SLC7A14: variants seen among roughly 807,000 people sequenced by gnomAD.
SLC7A14 encodes solute carrier family 7 member 14, also known as gamma-aminobutyric acid transporter SLC7A14.
A neutral mutation model predicts 60.2 loss-of-function variants in SLC7A14; 37 were observed. That is an observed-to-expected ratio of 0.61 (90% CI 0.47 to 0.81). SLC7A14 has a LOEUF of 0.81. SLC7A14 is among the 30% of genes least tolerant of loss of function. The pLI is 0.00. For missense variants in SLC7A14, 886 were observed against 982.7 expected (o/e 0.90, Z 1.32); for synonymous variants, 399 against 395.8 (o/e 1.01, Z -0.10).
chr3:170,579,169 G>T (rs1027602554), intron 1 of SLC7A14, among the ~76,000 whole-genome samples: 1 of 152,140 alleles, frequency 6.6e-6, no homozygotes, highest in African/African-American at 2.4e-5. Context: ...ATGCAGAGTG[G>T]GTTCTATAAT....
chr3:170,503,256 G>A (rs1304973612), intron 2 of SLC7A14, among the ~76,000 whole-genome samples: 3 of 152,178 alleles, frequency 2.0e-5, no homozygotes, highest in African/African-American at 7.2e-5. Context: ...CTTACCTGGA[G>A]CAGTCAGACT....
intron 1 of SLC7A14, among the ~76,000 whole-genome samples, chr3:170,576,481 C>T (rs778923969): frequency 7.9e-5 from 12 of 152,166 alleles, no homozygotes; most frequent in Non-Finnish European, 1.6e-4. Flanking sequence ...TTTGTAGGAG[C>T]TTCTGGGGGC....
chr3:170,482,445 C>T (rs1205297079), intron 6 of SLC7A14, among the ~76,000 whole-genome samples: 1 of 152,302 alleles, frequency 6.6e-6, no homozygotes, highest in Non-Finnish European at 1.5e-5. Context: ...AGACAAAGTC[C>T]CTGAACCGGC....
chr3:170,530,672 G>C (rs905547384), intron 1 of SLC7A14, among the ~76,000 whole-genome samples: 1 of 152,216 alleles, frequency 6.6e-6, no homozygotes. Flanking sequence ...TGGGCCCTGG[G>C]ATCCTTTAAG....
chr3:170,501,160 G>T lies in SLC7A14; in HGVS notation c.490C>A (p.His164Asn). 2 of 1,614,236 alleles carry T rather than the reference G, an allele frequency of 1.2e-6. No homozygotes were observed. The highest frequency in any genetic ancestry group is 1.7e-6 in the Non-Finnish European group (2 of 1,180,050). Residue 164 changes from histidine (H) to asparagine (N), a missense_variant, in exon 3 of 8, where the codon CAC becomes AAC. His to Asn is a moderately conservative substitution (Grantham distance 68). Coordinates refer to ENST00000231706, the MANE Select transcript of SLC7A14 (RefSeq NM_020949.3). ...LSSMFDSLAN[H>N]TISRWMADSV... ...TCCGCCATCCAGCGGCTGATGGTGT[G>T]GTTGGCTAGTGAGTCAAACATGCTG... is the stretch of plus-strand genomic sequence containing the variant.
At chr3:170,573,928 A>T (rs1459032569) in intron 1 of SLC7A14, among the ~76,000 whole-genome samples, 1 of 152,190 alleles carries the variant, frequency 6.6e-6, no homozygotes, top group African/African-American at 2.4e-5. Context: ...CCACACTTAG[A>T]AGCATCTTCT....
intron 1 of SLC7A14, among the ~76,000 whole-genome samples, chr3:170,549,214 C>CT (rs113114531): frequency 0.31 from 40,627 of 129,286 alleles, 6,818 homozygotes; most frequent in East Asian, 0.43. Context: ...CGGCCTTCTT[C>CT]TTTTTTTTTT....
chr3:170,524,086 C>T (rs1305464883), intron 2 of SLC7A14, among the ~76,000 whole-genome samples: 1 of 152,026 alleles, frequency 6.6e-6, no homozygotes, highest in Admixed American at 6.5e-5. Flanking sequence ...TCTTCTTGTG[C>T]TTGGTGCTGT....
At chr3:170,561,688 G>A (rs116570493) in intron 1 of SLC7A14, among the ~76,000 whole-genome samples, 9 of 152,034 alleles carry the variant, frequency 5.9e-5, no homozygotes, top group Non-Finnish European at 1.3e-4. Context: ...GGACATGGCC[G>A]CCGAGTAAAC....
intron 2 of SLC7A14, among the ~76,000 whole-genome samples, chr3:170,510,401 TA>T (rs796806940): frequency 1.3e-4 from 16 of 123,196 alleles, no homozygotes; most frequent in African/African-American, 1.8e-4. Context: ...AAAAAAAAAA[TA>T]AATAAATAAA....
At chr3:170,516,302 C>G (rs541394444) in intron 2 of SLC7A14, among the ~76,000 whole-genome samples, 5 of 152,280 alleles carry the variant, frequency 3.3e-5, no homozygotes, top group African/African-American at 1.2e-4. Context: ...TCTTCATGAC[C>G]TGACTTAGAG....
intron 6 of SLC7A14, 47 bp from the exon 7 acceptor site, chr3:170,481,213 C>T (rs547242560): frequency 3.6e-5 from 56 of 1,563,108 alleles, no homozygotes; most frequent in South Asian, 2.1e-4. Flanking sequence ...CTACAGTGAC[C>T]GATTCCAGTG....
At chr3:170,513,511 T>C (rs1713052710) in intron 2 of SLC7A14, among the ~76,000 whole-genome samples, 1 of 152,238 alleles carries the variant, frequency 6.6e-6, no homozygotes, top group African/African-American at 2.4e-5. Flanking sequence ...TATGTGTATA[T>C]GCATACATAT....
intron 1 of SLC7A14, among the ~76,000 whole-genome samples, chr3:170,582,838 G>T (rs1715272943): frequency 6.6e-6 from 1 of 152,146 alleles, no homozygotes; most frequent in South Asian, 2.1e-4. Flanking sequence ...AAATCCAATT[G>T]ATGAAGATGA....
At chr3:170,505,935 G>C (rs1329802926) in intron 2 of SLC7A14, among the ~76,000 whole-genome samples, 1 of 151,576 alleles carries the variant, frequency 6.6e-6, no homozygotes, top group Non-Finnish European at 1.5e-5. Context: ...TACTTAATTT[G>C]GTGAATCCAT....
intron 1 of SLC7A14, among the ~76,000 whole-genome samples, chr3:170,563,676 C>T (rs1414443867): frequency 1.3e-5 from 2 of 152,130 alleles, no homozygotes; most frequent in East Asian, 3.9e-4. Flanking sequence ...CCACCTCAGC[C>T]TCCCAAACTG....
chr3:170,526,783 C>CA lies in SLC7A14; in HGVS notation c.153_154insT (p.Val52CysfsTer108). On this transcript the variant is annotated frameshift_variant, in exon 2 of 8. Transcript: ENST00000231706. LOFTEE classifies it high-confidence loss of function. ...GAGATGAGGTCCACTGTGGTGAGTA[C>CA]CTGGGCTAGCTTAGTTCCATGTGCC... The CA allele has an allele frequency of 6.2e-7, 1 of 1,614,254 alleles. No individual in the cohort carries two copies. The highest frequency in any genetic ancestry group is 8.5e-7 in the Non-Finnish European group (1 of 1,180,052).
rs545497062 is a variant in SLC7A14, at chr3:170,473,463, C to T, written c.1994-6086G>A. Among the ~76,000 whole-genome samples the T allele has an allele frequency of 3.3e-5, 5 of 152,338 alleles. No individual in the cohort carries two copies. In the South Asian group the frequency reaches 1.0e-3, roughly 32 times the overall value. On this transcript the variant is annotated intron_variant, in intron 7 of 7. Transcript: ENST00000231706. ...GAACCGAGAGAGGTGGGCCACCTGA[C>T]CTCAGGCTGGGTGGAGCTGCCTCTT...
At chr3:170,496,461 C>T in intron 4 of SLC7A14, 1 of 1,300,350 alleles carries the variant, frequency 7.7e-7, no homozygotes. Context: ...GCGTGGGGAG[C>T]TGGCCGTTAA....
Sources: allele counts gnomAD v4.1 joint callset (sites outside exome capture counted in the v4.1 genomes callset), GRCh38; gene constraint gnomAD v4.1.1; transcripts MANE v1.5; gene names NCBI Gene and HGNC (gene_info 2026-07-23, HGNC 2026-07-21).